GPHN: variants seen among roughly 807,000 people sequenced by gnomAD.
GPHN encodes the protein gephyrin.
In GPHN, 17 loss-of-function variants were observed where a neutral mutation model predicts 95.5. The ratio of observed to expected loss-of-function variants is 0.18; its 90% confidence interval spans 0.12 to 0.27. The LOEUF is 0.27. Among genes scored for constraint, GPHN ranks in the 10% least tolerant of loss-of-function variants. The pLI, the probability that GPHN is intolerant of heterozygous loss-of-function variation, is 1.00. For missense variants in GPHN, 660 were observed against 978.1 expected (o/e 0.67, Z 4.34); for synonymous variants, 320 against 322.5 (o/e 0.99, Z 0.08).
rs140966591 is a variant in GPHN, at chr14:66,691,652, A to G, written c.143+10467A>G. On this transcript the variant is annotated intron_variant, in intron 2 of 22. Transcript: ENST00000478722. The stretch of plus-strand genomic sequence containing the variant: ...TATAATAGCAGAGATGATAAGTTGT[A>G]ACAAGGATCATTTGGCCCACTAAGC... 1.5e-3 allele frequency among the ~76,000 whole-genome samples: 232 copies of G among 152,310 alleles called. 4 individuals carry two copies. The East Asian group carries it at 0.039, about 25-fold the overall frequency.
intron 1 of GPHN, chr14:66,509,456 G>A (rs1340200668): frequency 1.3e-5 from 2 of 152,272 alleles, no homozygotes; most frequent in Non-Finnish European, 2.9e-5. Flanking sequence ...AAAGCCGTGT[G>A]TGTTCTGCAT....
At chr14:67,159,333 A>T in intron 18 of GPHN, 82 bp from the exon 19 acceptor site, 1 of 853,126 alleles carries the variant, frequency 1.2e-6, no homozygotes, top group East Asian at 2.4e-5. Flanking sequence ...TTTCAATCTT[A>T]TTAATTTAAT....
intron 16 of GPHN, among the ~76,000 whole-genome samples, chr14:67,120,521 G>T (rs994574171): frequency 1.3e-5 from 2 of 151,812 alleles, no homozygotes; most frequent in African/African-American, 4.8e-5. Flanking sequence ...GTTATTTCTG[G>T]AACTGTTTGC....
chr14:67,346,111 CCTTCA>C, the GPHN span, among the ~76,000 whole-genome samples: 659 of 152,268 alleles, frequency 4.3e-3, 2 homozygotes, highest in Non-Finnish European at 7.0e-3. Context: ...TTTTAACCAA[CCTTCA>C]CTTCACTAGC....
At chr14:67,620,744 T>G in the GPHN span, 3 of 718,926 alleles carry the variant, frequency 4.2e-6, no homozygotes, top group African/African-American at 1.8e-5. Flanking sequence ...CTGATGTGAT[T>G]CCAACAATGG....
At chr14:67,648,119 T>C in the GPHN span, 2 of 1,614,038 alleles carry the variant, frequency 1.2e-6, no homozygotes, top group Non-Finnish European at 1.7e-6. Flanking sequence ...CCACAGGAAC[T>C]CCTGTTGTCG....
At chr14:66,777,284 A>G (rs911024394) in intron 3 of GPHN, among the ~76,000 whole-genome samples, 1 of 152,238 alleles carries the variant, frequency 6.6e-6, no homozygotes, top group Non-Finnish European at 1.5e-5. Flanking sequence ...AAGAAGTTGA[A>G]TCTCTGAATA....
chr14:67,437,052 T>A, the GPHN span, among the ~76,000 whole-genome samples: 1 of 152,066 alleles, frequency 6.6e-6, no homozygotes, highest in Admixed American at 6.6e-5. Context: ...CCAGACCCTG[T>A]CTCAAAAAAA....
At chr14:67,268,395 A>G in the GPHN span, among the ~76,000 whole-genome samples, 72 of 152,342 alleles carry the variant, frequency 4.7e-4, no homozygotes, top group African/African-American at 1.6e-3. Context: ...ATGAGAAAGA[A>G]TTTGGGGCAA....
chr14:66,643,957 A>G (rs1360112028), intron 1 of GPHN, among the ~76,000 whole-genome samples: 1 of 151,952 alleles, frequency 6.6e-6, no homozygotes, highest in Non-Finnish European at 1.5e-5. Flanking sequence ...GGTAGATAGG[A>G]GAAGTATATG....
chr14:66,756,574 A>T (rs900724739), intron 2 of GPHN, among the ~76,000 whole-genome samples: 6 of 151,872 alleles, frequency 4.0e-5, no homozygotes, highest in African/African-American at 1.4e-4. Flanking sequence ...AGTTTAGATT[A>T]AAAAAAATTG....
chr14:66,735,590 A>G (rs2072188516), intron 2 of GPHN, among the ~76,000 whole-genome samples: 1 of 152,182 alleles, frequency 6.6e-6, no homozygotes, highest in African/African-American at 2.4e-5. Flanking sequence ...TTACTACTTA[A>G]TAAACAGAAC....
chr14:67,273,420 G>T, the GPHN span, among the ~76,000 whole-genome samples: 3 of 152,112 alleles, frequency 2.0e-5, no homozygotes, highest in Non-Finnish European at 4.4e-5. Context: ...ATGGTTTCCA[G>T]CTTCATCTTT....
intron 4 of GPHN, among the ~76,000 whole-genome samples, chr14:66,844,253 C>T (rs377466169): frequency 6.6e-6 from 1 of 152,016 alleles, no homozygotes; most frequent in East Asian, 1.9e-4. Flanking sequence ...GTTGGGTAAA[C>T]CTTTGAAATT....
chr14:67,041,488 A>G (rs932555779), intron 10 of GPHN, among the ~76,000 whole-genome samples: 2 of 151,476 alleles, frequency 1.3e-5, no homozygotes, highest in South Asian at 4.2e-4. Context: ...TGATATTGTG[A>G]TAGTTTGCTG....
intron 8 of GPHN, among the ~76,000 whole-genome samples, chr14:66,956,971 G>A (rs1292165926): frequency 8.8e-6 from 1 of 113,732 alleles, no homozygotes; most frequent in African/African-American, 3.2e-5. Context: ...TTGTGGGGTG[G>A]GGGGAGGGGG....
At chr14:67,109,548 C>T (rs1339546723) in intron 13 of GPHN, among the ~76,000 whole-genome samples, 1 of 152,168 alleles carries the variant, frequency 6.6e-6, no homozygotes, top group East Asian at 1.9e-4. Context: ...TCATTACAGA[C>T]ACTGGAATCA....
chr14:66,643,034 G>A (rs2064515288), intron 1 of GPHN, among the ~76,000 whole-genome samples: 1 of 151,592 alleles, frequency 6.6e-6, no homozygotes, highest in Non-Finnish European at 1.5e-5. Context: ...AATGAAAGAA[G>A]ATACTTGTAA....
At chr14:66,956,863 A>C (rs1043905792) in intron 8 of GPHN, among the ~76,000 whole-genome samples, 19 of 150,968 alleles carry the variant, frequency 1.3e-4, no homozygotes, top group Non-Finnish European at 1.5e-5. Context: ...CTATCGCAAG[A>C]ACAAAAAACC....
Sources: allele counts gnomAD v4.1 joint callset (sites outside exome capture counted in the v4.1 genomes callset), GRCh38; gene constraint gnomAD v4.1.1; transcripts MANE v1.5; gene names NCBI Gene and HGNC (gene_info 2026-07-23, HGNC 2026-07-21).